The following ZSCAN31 variants were observed in gnomAD, a reference collection of about 807,000 sequenced individuals.
ZSCAN31 encodes zinc finger and SCAN domain containing 31, also known as zinc finger and SCAN domain-containing protein 31.
ZSCAN31 carries 14 observed loss-of-function variants against 22.5 expected under a neutral mutation model. The observed-to-expected ratio is 0.62, with a 90% CI of 0.41 to 0.97. ZSCAN31 has a LOEUF of 0.97. Among genes scored for constraint, ZSCAN31 ranks in the 50% least tolerant of loss-of-function variants. ZSCAN31 has a pLI of 0.00. For synonymous variants in ZSCAN31, 168 were observed against 169.8 expected (o/e 0.99, Z 0.08); for missense variants, 424 against 483.4 (o/e 0.88, Z 1.15).
chr6:28,344,356 T>C (rs1764548904), intron 2 of ZSCAN31, among the ~76,000 whole-genome samples: 1 of 152,140 alleles, frequency 6.6e-6, no homozygotes, highest in Admixed American at 6.5e-5. Flanking sequence ...GATATCAGAT[T>C]GGATGGGTCC....
chr6:28,338,943 TG>T (rs1764304821), upstream of ZSCAN31, among the ~76,000 whole-genome samples: 1 of 152,240 alleles, frequency 6.6e-6, no homozygotes, highest in Admixed American at 6.5e-5. Flanking sequence ...TTTTTTTATG[TG>T]GGGACTAATC....
upstream of ZSCAN31, chr6:28,337,640 G>A (rs1764244320): frequency 6.6e-6 from 1 of 152,156 alleles, no homozygotes; most frequent in Non-Finnish European, 1.5e-5. Flanking sequence ...AGGACACAAG[G>A]TCCTCATCCT....
Position 28,327,508 on chromosome 6 carries a change from G to T in ZSCAN31, c.407C>A (p.Ser136Tyr), listed in dbSNP as rs983197922. The T allele has an allele frequency of 6.2e-7, 1 of 1,613,598 alleles. No individual in the cohort carries two copies. The highest frequency in any genetic ancestry group is 1.1e-5 in the South Asian group (1 of 91,076). Residue 136 changes from serine to tyrosine, a missense_variant, in exon 3 of 4, where the codon TCT becomes TAT. By Grantham distance (144) the Ser-to-Tyr change is moderately radical. Transcript: ENST00000344279. ...TTCCACATCCTCCAAGAGCACTTCA[G>T]AATGTCCATGTTCATGGTCTGGAGC... ...NQAPDHEHGH[S>Y]EVLLEDVEHL...
At chr6:28,327,577 G>T in intron 2 of ZSCAN31, 44 bp from the exon 3 acceptor site, 1 of 1,590,304 alleles carries the variant, frequency 6.3e-7, no homozygotes, top group Non-Finnish European at 8.6e-7. Context: ...GGGATTATAG[G>T]AGTACAAGCT....
In ZSCAN31 at chr6:28,347,362, C is replaced by T. The variant is rs1764684335; in HGVS notation, c.-370-5570G>A. ...TAGATATGCACAGGGCTAACCCCTT[C>T]ATCTCCTTCAGATCTTGGCCAGAAT... On this transcript the variant is annotated intron_variant, in intron 2 of 7. Transcript: ENST00000396838. The surrounding 1 kb of genome is among the most constrained non-coding windows in gnomAD (Gnocchi z 5.2). Among the ~76,000 whole-genome samples the T allele has an allele frequency of 6.6e-6, 1 of 152,182 alleles. No individual in the cohort carries two copies. Among genetic ancestry groups the T allele is most frequent in the African/African-American group, 2.4e-5 (1 of 41,444 alleles).
intron 1 of ZSCAN31, among the ~76,000 whole-genome samples, chr6:28,330,384 T>C (rs1763648391): frequency 6.6e-6 from 1 of 152,218 alleles, no homozygotes; most frequent in African/African-American, 2.4e-5. Context: ...CAACGTTTTG[T>C]GGCTATTTAT....
intron 2 of ZSCAN31, 32 bp downstream of exon 2, chr6:28,329,271 T>C: frequency 6.5e-7 from 1 of 1,533,880 alleles, no homozygotes; most frequent in Non-Finnish European, 8.7e-7. Flanking sequence ...ATTTAGTATT[T>C]AATGTCTAGA....
intron 2 of ZSCAN31, among the ~76,000 whole-genome samples, chr6:28,352,997 T>G (rs1467598958): frequency 1.3e-5 from 2 of 149,416 alleles, no homozygotes; most frequent in African/African-American, 4.9e-5. Context: ...AGAGTCTTGC[T>G]CTGTTGCCAG....
intron 2 of ZSCAN31, among the ~76,000 whole-genome samples, chr6:28,345,003 G>A (rs1433260240): frequency 2.0e-5 from 3 of 150,858 alleles, no homozygotes; most frequent in East Asian, 3.9e-4. Context: ...AAAATTAGCC[G>A]GCATGGTGGC....
rs934136644 is a variant in ZSCAN31 at position 28,347,777 on chromosome 6, T to A, written c.-370-5985A>T. ...TGAAGCTGCTGGGCCAATGTGTGTATCATTTTCAGGTTTACCATATATTTC... is the reference window on the plus strand; with the variant it reads ...TGAAGCTGCTGGGCCAATGTGTGTAACATTTTCAGGTTTACCATATATTTC... On this transcript the variant is annotated intron_variant, in intron 2 of 7. Coordinates refer to the ZSCAN31 transcript ENST00000396838. The surrounding 1 kb of genome is among the most constrained non-coding windows in gnomAD (Gnocchi z 5.2). 1.3e-5 allele frequency among the ~76,000 whole-genome samples: 2 copies of A among 152,192 alleles called. No homozygotes were observed. Among genetic ancestry groups the A allele is most frequent in the African/African-American group, 4.8e-5 (2 of 41,444 alleles).
At position 28,349,270 on chromosome 6, in the gene ZSCAN31, T is replaced by A. The variant is rs1186238182; in HGVS notation, c.-371+4592A>T. ...CATATATATAGGTATATATTTCAAC[T>A]ACTTATCCCTAATGAATAAAGTTAC... On this transcript the variant is annotated intron_variant, in intron 2 of 7. Coordinates refer to the ZSCAN31 transcript ENST00000396838. The surrounding 1 kb of genome is among the most constrained non-coding windows in gnomAD (Gnocchi z 4.1). 1.3e-5 allele frequency among the ~76,000 whole-genome samples: 2 copies of A among 151,646 alleles called. No homozygotes were observed. The highest frequency in any genetic ancestry group is 1.5e-5 in the Non-Finnish European group (1 of 67,844).
chr6:28,338,041 CT>C (rs1205237192), upstream of ZSCAN31: 1 of 149,648 alleles, frequency 6.7e-6, no homozygotes, highest in Non-Finnish European at 1.5e-5. Context: ...GAGACCCTGT[CT>C]CCAAAATTAA....
rs189473113 is a variant in ZSCAN31 at position 28,346,103 on chromosome 6, C to T, written c.-370-4311G>A. Among the ~76,000 whole-genome samples, 431 of 152,166 alleles carry T rather than the reference C, an allele frequency of 2.8e-3. 2 individuals carry two copies. Among genetic ancestry groups the T allele is most frequent in the African/African-American group, 9.7e-3 (404 of 41,496 alleles). On this transcript the variant is annotated intron_variant, in intron 2 of 7. Transcript: ENST00000396838. ...CTTTATTCCTAGAAGAACACTTTCA[C>T]CATGACAAACAGGGAGTCCCTGTAA...
At chr6:28,339,845 A>G (rs565577067), upstream of ZSCAN31, among the ~76,000 whole-genome samples, 10 of 152,246 alleles carry the variant, frequency 6.6e-5, no homozygotes, top group Admixed American at 2.0e-4. Context: ...TTGCTAAAAT[A>G]TCCATTTTTT....
At chr6:28,343,495 C>G (rs1370728893) in intron 2 of ZSCAN31, among the ~76,000 whole-genome samples, 1 of 151,264 alleles carries the variant, frequency 6.6e-6, no homozygotes, top group Non-Finnish European at 1.5e-5. Flanking sequence ...CCAGTTGCAG[C>G]TACAATGCTA....
chr6:28,334,302 G>A (rs1223067283), intron 1 of ZSCAN31, among the ~76,000 whole-genome samples: 1 of 152,166 alleles, frequency 6.6e-6, no homozygotes, highest in Non-Finnish European at 1.5e-5. Context: ...AATCCACAAA[G>A]GAATTCATTT....
rs1301219293 is a variant in ZSCAN31 at position 28,327,413 on chromosome 6, A to G, written c.502T>C (p.Ser168Pro). 1 of 1,614,050 alleles carries G rather than the reference A, an allele frequency of 6.2e-7. No individual in the cohort carries two copies. Among genetic ancestry groups the G allele is most frequent in the East Asian group, 2.2e-5 (1 of 44,862 alleles). ...TCTTGAAATTGGTGGAGGCAAAAAG[A>G]TTCATATCTGAGCTGTGTCACCATA... ...QPMVTQLRYESFCLHQFQEQD... is the reference protein window; with the variant it reads ...QPMVTQLRYEPFCLHQFQEQD... The change falls in exon 3 of 4, where the codon TCT (serine) becomes CCT (proline). Residue 168 changes from serine (S) to proline (P), a missense_variant. Transcript: ENST00000344279.
rs1414572253 is a variant in ZSCAN31 at position 28,349,463 on chromosome 6, GATTA to G, written c.-371+4395_-371+4398del. Reference sequence around the variant, plus strand: ...ATTAATCATCATAATTTGAGTGTTAGATTATCTTGGATTTTTTATGTAAACCACG... The same window carrying G: ...ATTAATCATCATAATTTGAGTGTTAGTCTTGGATTTTTTATGTAAACCACG... On this transcript the variant is annotated intron_variant, in intron 2 of 7. Transcript: ENST00000396838. This position sits in a 1 kb window ranked among gnomAD's most constrained non-coding sequence, Gnocchi z 4.1. Among the ~76,000 whole-genome samples, 2 of 152,084 alleles carry G rather than the reference GATTA, an allele frequency of 1.3e-5. No individual in the cohort carries two copies. The highest frequency in any genetic ancestry group is 2.9e-5 in the Non-Finnish European group (2 of 67,992).
chr6:28,355,630 C>G (rs1218825633), upstream of ZSCAN31: 2 of 152,228 alleles, frequency 1.3e-5, no homozygotes, highest in Non-Finnish European at 2.9e-5. Flanking sequence ...GTTTCAGCCG[C>G]ATCATCCCAA....
Sources: allele counts gnomAD v4.1 joint callset (sites outside exome capture counted in the v4.1 genomes callset), GRCh38; gene constraint gnomAD v4.1.1; non-coding constraint Gnocchi (gnomAD v3.1); transcripts MANE v1.5; gene names NCBI Gene and HGNC (gene_info 2026-07-23, HGNC 2026-07-21).